STIM2: variants seen among roughly 807,000 people sequenced by gnomAD.
STIM2 encodes stromal interaction molecule 2.
In STIM2, 31 loss-of-function variants were observed where a neutral mutation model predicts 85.8. That is an observed-to-expected ratio of 0.36 (90% CI 0.27 to 0.49). The LOEUF (loss-of-function observed/expected upper bound fraction) is 0.49, where lower values mean the gene tolerates loss of function less well. Among genes scored for constraint, STIM2 ranks in the 20% least tolerant of loss-of-function variants. The pLI, the probability that STIM2 is intolerant of heterozygous loss-of-function variation, is 0.98. For missense variants in STIM2, 841 were observed against 927.6 expected, an observed-to-expected ratio of 0.91 and a Z score of 1.21; for synonymous variants, 356 against 331.1, an observed-to-expected ratio of 1.08 and a Z score of -0.82.
chr4:26,880,600 C>CATATATATAAATATATATGTAAAT (rs71643699), intron 1 of STIM2, among the ~76,000 whole-genome samples: 13,390 of 95,574 alleles, frequency 0.14, 3,176 homozygotes, highest in African/African-American at 0.16. Flanking sequence ...CATAAACCTT[C>CATATATATAAATATATATGTAAAT]ATATATATAA....
chr4:26,942,165 C>G (rs147116808), intron 2 of STIM2, among the ~76,000 whole-genome samples: 1,592 of 152,244 alleles, frequency 0.01, 18 homozygotes, highest in Non-Finnish European at 0.015. Context: ...TGGGGGCTCA[C>G]CATCTGCATT....
At chr4:26,945,518 A>G (rs1725797286) in intron 2 of STIM2, among the ~76,000 whole-genome samples, 1 of 152,176 alleles carries the variant, frequency 6.6e-6, no homozygotes, top group Non-Finnish European at 1.5e-5. Context: ...TCTTTGAGGA[A>G]TGGCCACACT....
At chr4:27,018,145 G>GTTC (rs1209086058) in intron 11 of STIM2, among the ~76,000 whole-genome samples, 161 bp downstream of exon 11, 2 of 152,094 alleles carry the variant, frequency 1.3e-5, no homozygotes, top group Admixed American at 6.5e-5. Context: ...TTAGCTCTTA[G>GTTC]TTCTGTACAT....
At chr4:26,990,962 A>T (rs573002399) in intron 3 of STIM2, among the ~76,000 whole-genome samples, 1 of 152,126 alleles carries the variant, frequency 6.6e-6, no homozygotes, top group Non-Finnish European at 1.5e-5. Flanking sequence ...AGAAAGGGGA[A>T]CTCTTACATA....
In STIM2 at chr4:27,008,453, G is replaced by C; in HGVS notation, c.1175G>C (p.Ser392Thr). 1 of 1,591,374 alleles carries C rather than the reference G, an allele frequency of 6.3e-7. No homozygotes were observed. Among genetic ancestry groups the C allele is most frequent in the Non-Finnish European group, 8.5e-7 (1 of 1,170,662 alleles). ...GCAGAAAAAATTAAAAAGAAGAGAAGCACAGTCTTTGGGACTCTGCACGTT... is the reference window on the plus strand; with the variant it reads ...GCAGAAAAAATTAAAAAGAAGAGAACCACAGTCTTTGGGACTCTGCACGTT... The change falls in exon 9 of 12, where the codon AGC (serine) becomes ACC (threonine). Residue 392 changes from serine to threonine, a missense_variant. Coordinates refer to ENST00000467087, the MANE Select transcript of STIM2 (RefSeq NM_020860.4).
intron 1 of STIM2, chr4:26,873,549 T>G: frequency 2.4e-6 from 1 of 412,962 alleles, no homozygotes; most frequent in Non-Finnish European, 4.6e-6. Flanking sequence ...CTGACTACTT[T>G]GTCCAGGAAG....
intron 2 of STIM2, among the ~76,000 whole-genome samples, chr4:26,956,309 A>G (rs1201208408): frequency 1.3e-5 from 2 of 152,212 alleles, no homozygotes; most frequent in Non-Finnish European, 2.9e-5. Flanking sequence ...TAAGGCCTAA[A>G]AGATTCTCAG....
chr4:26,969,057 G>A (rs964997342), intron 3 of STIM2, among the ~76,000 whole-genome samples: 1 of 152,088 alleles, frequency 6.6e-6, no homozygotes, highest in Non-Finnish European at 1.5e-5. Context: ...TCAGTTTATG[G>A]ATTGAAAAGA....
intron 1 of STIM2, among the ~76,000 whole-genome samples, chr4:26,868,473 A>AT (rs1722486644): frequency 6.6e-6 from 1 of 152,228 alleles, no homozygotes; most frequent in African/African-American, 2.4e-5. Flanking sequence ...AATGCTTGAA[A>AT]TGAATATCTC....
Position 26,893,420 on chromosome 4 carries a change from T to G in STIM2, c.152-26084T>G, listed in dbSNP as rs148657483. Among the ~76,000 whole-genome samples the G allele has an allele frequency of 5.0e-3, 756 of 152,346 alleles. 5 individuals carry two copies. Among genetic ancestry groups the G allele is most frequent in the Middle Eastern group, 0.027 (8 of 294 alleles). On this transcript the variant is annotated intron_variant, in intron 1 of 11. Coordinates refer to ENST00000467087, the MANE Select transcript of STIM2 (RefSeq NM_020860.4). The stretch of plus-strand genomic sequence containing the variant: ...TTGGACTGTATATTAATAAAATCAT[T>G]GTATGTGCTTTTTGCCTGTCTTGCT...
chr4:26,998,384 C>G (rs897532576), intron 4 of STIM2, among the ~76,000 whole-genome samples: 1 of 152,068 alleles, frequency 6.6e-6, no homozygotes, highest in Non-Finnish European at 1.5e-5. Flanking sequence ...TCCATGAAGG[C>G]TTTTTATTTC....
intron 3 of STIM2, among the ~76,000 whole-genome samples, chr4:26,988,724 C>A (rs1023436242): frequency 6.6e-6 from 1 of 152,132 alleles, no homozygotes; most frequent in Non-Finnish European, 1.5e-5. Context: ...TTACAATGAT[C>A]ATTTGAAATA....
rs12640979 is a variant in STIM2, at chr4:26,886,644, G to T, written c.151+25275G>T. Among the ~76,000 whole-genome samples, 78 of 152,308 alleles carry T rather than the reference G, an allele frequency of 5.1e-4. 1 individual carries two copies. The East Asian group carries it at 0.011, about 22-fold the overall frequency. ...TCCAGGAGACCACAGGGCTGGTGTA[G>T]AGTAAGCAATGGAGAGAGTAATAGA... is the stretch of plus-strand genomic sequence containing the variant. On this transcript the variant is annotated intron_variant, in intron 1 of 11. Transcript: ENST00000467087.
intron 1 of STIM2, among the ~76,000 whole-genome samples, chr4:26,913,400 A>G (rs915179204): frequency 2.0e-5 from 3 of 152,144 alleles, no homozygotes; most frequent in Admixed American, 6.5e-5. Context: ...AGAGTATGAG[A>G]GCCTTAAGCA....
chr4:26,888,671 C>T (rs1422701585), intron 1 of STIM2, among the ~76,000 whole-genome samples: 1 of 152,044 alleles, frequency 6.6e-6, no homozygotes, highest in Non-Finnish European at 1.5e-5. Flanking sequence ...AACTTTGTTC[C>T]TGAAGGGTCT....
At chr4:26,958,023 TA>T (rs1269968107) in intron 3 of STIM2, among the ~76,000 whole-genome samples, 1 of 152,152 alleles carries the variant, frequency 6.6e-6, no homozygotes, top group African/African-American at 2.4e-5. Context: ...GACATTATTA[TA>T]AAAGGTTTAG....
chr4:26,896,082 G>GT (rs1723688070), intron 1 of STIM2, among the ~76,000 whole-genome samples: 3 of 152,076 alleles, frequency 2.0e-5, no homozygotes, highest in African/African-American at 7.2e-5. Context: ...TGAGGTAATT[G>GT]AGTTCCTTGT....
chr4:26,920,689 T>A (rs1480904536), intron 2 of STIM2, among the ~76,000 whole-genome samples: 1 of 152,204 alleles, frequency 6.6e-6, no homozygotes, highest in East Asian at 1.9e-4. Context: ...AAACGTTTAT[T>A]TGAGAATGCC....
intron 11 of STIM2, 123 bp downstream of exon 11, chr4:27,018,107 CTT>C: frequency 7.2e-7 from 1 of 1,389,806 alleles, no homozygotes; most frequent in South Asian, 1.3e-5. Context: ...GTACCACAGA[CTT>C]TGCAGCCTCA....
Sources: gnomAD v4.1 joint callset for allele counts (sites outside exome capture counted in the v4.1 genomes callset) on GRCh38, gnomAD v4.1.1 for gene constraint, MANE v1.5 for transcripts, NCBI Gene and HGNC (gene_info 2026-07-23, HGNC 2026-07-21) for gene names.